The following SPATA13 variants were observed in gnomAD, a reference collection of about 807,000 sequenced individuals.
The protein encoded by SPATA13 is spermatogenesis associated 13, also known as spermatogenesis-associated protein 13.
Under a neutral mutation model 104.0 loss-of-function variants are expected in SPATA13, and 50 were observed. The ratio of observed to expected loss-of-function variants is 0.48; its 90% CI spans 0.38 to 0.61. SPATA13 has a LOEUF of 0.61. SPATA13 is among the 20% of genes least tolerant of loss of function. The pLI is 0.00. For missense variants in SPATA13, 1,524 were observed against 1,690.6 expected (o/e 0.90, Z 1.73); for synonymous variants, 606 against 667.5 (o/e 0.91, Z 1.42).
chr13:24,014,797 TC>T (rs542717707), intron 2 of SPATA13, among the ~76,000 whole-genome samples: 1 of 152,146 alleles, frequency 6.6e-6, no homozygotes, highest in Non-Finnish European at 1.5e-5. Flanking sequence ...TTATTTCAGT[TC>T]CTGTCTTCTC....
intron 3 of SPATA13, among the ~76,000 whole-genome samples, chr13:24,117,153 AAAC>A: frequency 6.6e-6 from 1 of 152,368 alleles, no homozygotes; most frequent in East Asian, 1.9e-4. Flanking sequence ...TATAAAAACA[AAAC>A]AAGAGATTTG....
At chr13:24,179,483 C>T (rs1593386579) in intron 1 of SPATA13, among the ~76,000 whole-genome samples, 1 of 152,280 alleles carries the variant, frequency 6.6e-6, no homozygotes, top group East Asian at 1.9e-4. Context: ...ATAAACTTTA[C>T]CATTTTAACC....
chr13:24,020,065 T>A (rs1383436598), intron 3 of SPATA13, among the ~76,000 whole-genome samples: 1 of 152,168 alleles, frequency 6.6e-6, no homozygotes, highest in African/African-American at 2.4e-5. Flanking sequence ...TCTTAGGAAG[T>A]CCACCTCAGA....
At chr13:24,133,711 G>A (rs4769325) in intron 3 of SPATA13, among the ~76,000 whole-genome samples, 6 of 152,180 alleles carry the variant, frequency 3.9e-5, no homozygotes, top group Admixed American at 3.9e-4. Context: ...CAGCTGTGGG[G>A]GAAGCTGGCC....
chr13:24,040,037 C>T (rs906624428), intron 3 of SPATA13, among the ~76,000 whole-genome samples: 22 of 152,168 alleles, frequency 1.4e-4, no homozygotes, highest in Non-Finnish European at 2.1e-4. Flanking sequence ...TCACAAGCAC[C>T]GTTTGGTGAG....
Position 24,302,753 on chromosome 13 carries a change from C to G in SPATA13, c.3814C>G (p.Leu1272Val), listed in dbSNP as rs751832948. Residue 1272 changes from leucine (L) to valine (V), a missense_variant, in exon 13 of 13, where the codon CTC becomes GTC. This residue lies in a region of SPATA13 where 435 missense variants were observed against 554.8 expected (regional missense o/e 0.78). Transcript: ENST00000382108. ...SSLFWHTFNR[L>V]TPFRK ...GCTCTTCTGGCACACCTTCAACAGG[C>G]TCACCCCCTTCCGGAAATGAAAACA... 1 of 1,614,072 alleles carries G rather than the reference C, an allele frequency of 6.2e-7. No homozygotes were observed. The highest frequency in any genetic ancestry group is 1.3e-5 in the African/African-American group (1 of 74,924).
At chr13:24,023,549 G>A (rs1877078479) in intron 3 of SPATA13, among the ~76,000 whole-genome samples, 1 of 152,148 alleles carries the variant, frequency 6.6e-6, no homozygotes, top group African/African-American at 2.4e-5. Flanking sequence ...AGAAGAATTA[G>A]GTTGCAGATG....
At chr13:24,025,771 A>G (rs1437229070) in intron 3 of SPATA13, among the ~76,000 whole-genome samples, 1 of 151,898 alleles carries the variant, frequency 6.6e-6, no homozygotes, top group African/African-American at 2.4e-5. Context: ...TTTCTATGAA[A>G]TATCTAATCA....
At chr13:24,252,631 T>C (rs976156957) in intron 4 of SPATA13, 1 of 152,258 alleles carries the variant, frequency 6.6e-6, no homozygotes, top group Non-Finnish European at 1.5e-5. Context: ...CCCGTACCTG[T>C]GTACACACAG....
rs141596550 is a variant in SPATA13 at position 24,079,552 on chromosome 13, G to A, written c.-112+61851G>A. Among the ~76,000 whole-genome samples the A allele has an allele frequency of 2.8e-4, 43 of 152,256 alleles. No individual in the cohort carries two copies. The East Asian group carries it at 5.4e-3, about 19-fold the overall frequency. On this transcript the variant is annotated intron_variant, in intron 3 of 14. Transcript: ENST00000424834. The stretch of plus-strand genomic sequence containing the variant: ...TCTAGAAGTTTCAGCTGATGATCCC[G>A]ACCTGAGACTAGGCAGGATGGGCAA...
chr13:24,222,240 G>A (rs1429435989), intron 1 of SPATA13, among the ~76,000 whole-genome samples: 3 of 152,076 alleles, frequency 2.0e-5, no homozygotes, highest in Admixed American at 6.5e-5. Flanking sequence ...AGTCCTTCCC[G>A]CCTGTGTCTA....
rs557178940 is a variant in SPATA13 at position 23,997,621 on chromosome 13, A to G, written c.-147+13688A>G. Among the ~76,000 whole-genome samples the G allele has an allele frequency of 3.9e-5, 6 of 152,260 alleles. No homozygotes were observed. The South Asian group carries it at 1.0e-3, about 26-fold the overall frequency. On this transcript the variant is annotated intron_variant, in intron 2 of 14. Transcript: ENST00000424834. Reference sequence around the variant, plus strand: ...AGGTTTATTTGGCTCATGCTTCTGCAGGTTATACAGGAAGCATCAGACCCG... The same window carrying G: ...AGGTTTATTTGGCTCATGCTTCTGCGGGTTATACAGGAAGCATCAGACCCG...
chr13:24,022,322 C>A (rs1170762273), intron 3 of SPATA13, among the ~76,000 whole-genome samples: 1 of 152,224 alleles, frequency 6.6e-6, no homozygotes, highest in Non-Finnish European at 1.5e-5. Context: ...TAGGCGTGAG[C>A]CACTGCGCCT....
chr13:24,029,495 A>T (rs1877380572), intron 3 of SPATA13, among the ~76,000 whole-genome samples: 1 of 152,244 alleles, frequency 6.6e-6, no homozygotes. Flanking sequence ...TCAATTAAAC[A>T]ATAAAAAAAT....
At chr13:24,157,544 C>A (rs914514944), upstream of SPATA13, among the ~76,000 whole-genome samples, 4 of 152,172 alleles carry the variant, frequency 2.6e-5, no homozygotes, top group Non-Finnish European at 5.9e-5. Context: ...TCGTGATCTG[C>A]CCGTCTTGGC....
chr13:24,126,707 C>T (rs1044654979), intron 3 of SPATA13, among the ~76,000 whole-genome samples: 1 of 152,012 alleles, frequency 6.6e-6, no homozygotes. Flanking sequence ...CAGGTGTGTG[C>T]CACCATGCCC....
intron 3 of SPATA13, among the ~76,000 whole-genome samples, chr13:24,065,015 A>C (rs988193944): frequency 1.3e-5 from 2 of 150,566 alleles, no homozygotes; most frequent in African/African-American, 4.9e-5. Context: ...ATGAAATGCA[A>C]CGTGACATCC....
rs980590476 is a variant in SPATA13 at position 24,304,086 on chromosome 13, C to G, written c.*1313C>G. 6.6e-6 allele frequency: 1 copy of G among 152,228 alleles called. No homozygotes were observed. The highest frequency in any genetic ancestry group is 2.4e-5 in the African/African-American group (1 of 41,468). 9.4% of individuals were successfully genotyped at this position (152,228 alleles called of 1,614,324 possible). A position where few individuals can be genotyped will look rare whatever the true frequency, so the allele number is the denominator to read the frequency against. Reference sequence around the variant, plus strand: ...AGTCACAAAGACAGCCAAAGCAGTCCTGCTTCTTGGAAATCAGAAGCTGCC... The same window carrying G: ...AGTCACAAAGACAGCCAAAGCAGTCGTGCTTCTTGGAAATCAGAAGCTGCC... On this transcript the variant is annotated 3_prime_UTR_variant, in exon 13 of 13. Coordinates refer to ENST00000382108, the MANE Select transcript of SPATA13 (RefSeq NM_001166271.3).
chr13:24,105,451 T>A (rs1376034237), intron 3 of SPATA13, among the ~76,000 whole-genome samples: 1 of 151,796 alleles, frequency 6.6e-6, no homozygotes, highest in Non-Finnish European at 1.5e-5. Flanking sequence ...TTACTTTTTT[T>A]TTTTTTGACA....
Sources: gnomAD v4.1 joint callset for allele counts (sites outside exome capture counted in the v4.1 genomes callset) on GRCh38, gnomAD v4.1.1 for gene constraint, gnomAD v4.1.1 regional missense constraint, MANE v1.5 for transcripts, NCBI Gene and HGNC (gene_info 2026-07-23, HGNC 2026-07-21) for gene names.